Variants in NMT2 observed in about 807,000 individuals in gnomAD.
NMT2 encodes the protein glycylpeptide N-tetradecanoyltransferase 2.
In NMT2, 35 loss-of-function variants were observed where a neutral mutation model predicts 65.4. The ratio of observed to expected loss-of-function variants is 0.54; its 90% CI spans 0.41 to 0.71. NMT2 has a LOEUF of 0.71. NMT2 is among the 30% of genes least tolerant of loss of function. The pLI, the probability that NMT2 is intolerant of heterozygous loss-of-function variation, is 0.00. For synonymous variants in NMT2, 226 were observed against 231.8 expected, an observed-to-expected ratio of 0.98 and a Z score of 0.23; for missense variants, 489 against 611.3, an observed-to-expected ratio of 0.80 and a Z score of 2.11.
intron 10 of NMT2, 120 bp downstream of exon 10, chr10:15,112,676 G>A: frequency 1.0e-6 from 1 of 975,950 alleles, no homozygotes; most frequent in Middle Eastern, 3.5e-4. Flanking sequence ...ATGATCAATA[G>A]TTTTTTTAAA....
chr10:15,137,907 C>A (rs898866181), intron 2 of NMT2, among the ~76,000 whole-genome samples: 3 of 152,074 alleles, frequency 2.0e-5, no homozygotes, highest in African/African-American at 7.2e-5. Flanking sequence ...CTAATTAGCT[C>A]ATGGGTTGAC....
At chr10:15,157,527 G>C (rs926678381) in intron 1 of NMT2, among the ~76,000 whole-genome samples, 2 of 152,136 alleles carry the variant, frequency 1.3e-5, no homozygotes, top group Non-Finnish European at 2.9e-5. Context: ...GGGGGCAGGG[G>C]GCAGAGGCTC....
intron 1 of NMT2, among the ~76,000 whole-genome samples, chr10:15,153,718 C>T (rs937535800): frequency 2.0e-5 from 3 of 151,944 alleles, no homozygotes; most frequent in South Asian, 2.1e-4. Context: ...TGGCCAATCT[C>T]GGCTCACTGC....
intron 1 of NMT2, chr10:15,154,766 C>T (rs1459968867): frequency 1.5e-6 from 1 of 665,540 alleles, no homozygotes. Flanking sequence ...AAGGAATGGT[C>T]TGGTGGTTAA....
intron 1 of NMT2, among the ~76,000 whole-genome samples, chr10:15,165,910 A>G (rs1342730735): frequency 6.6e-6 from 1 of 152,110 alleles, no homozygotes; most frequent in Non-Finnish European, 1.5e-5. Context: ...TTCCATGAAA[A>G]ACAAGATATA....
At chr10:15,135,131 C>A in intron 3 of NMT2, 143 bp downstream of exon 3, 1 of 864,052 alleles carries the variant, frequency 1.2e-6, no homozygotes, top group Admixed American at 2.3e-5. Flanking sequence ...ATTAGTCTTG[C>A]ATAGATTTCC....
intron 1 of NMT2, among the ~76,000 whole-genome samples, chr10:15,158,833 T>C (rs1213893283): frequency 1.3e-5 from 2 of 152,268 alleles, no homozygotes; most frequent in East Asian, 3.9e-4. Flanking sequence ...GCCTTATTCT[T>C]GGCAGAGCAA....
In NMT2 at chr10:15,110,223, A is replaced by G. The variant is rs1212696514; in HGVS notation, c.1339-384T>C. ...GGGAGGTAGAGGTGGCAGTGAGCCG[A>G]GATTGTGCCACGGCACTCCAGCCTG... On this transcript the variant is annotated intron_variant, in intron 10 of 11. Coordinates refer to ENST00000378165, the MANE Select transcript of NMT2 (RefSeq NM_004808.3). Among the ~76,000 whole-genome samples the G allele has an allele frequency of 5.9e-5, 9 of 151,410 alleles. No homozygotes were observed. The South Asian group carries it at 1.3e-3, about 21-fold the overall frequency.
At chr10:15,155,141 C>G (rs748420286) in intron 1 of NMT2, 3 of 1,511,422 alleles carry the variant, frequency 2.0e-6, no homozygotes, top group Non-Finnish European at 2.8e-6. Context: ...CACCCTGACA[C>G]AAAAGCCCTA....
chr10:15,138,756 T>C (rs760221437), intron 2 of NMT2, among the ~76,000 whole-genome samples: 1 of 152,186 alleles, frequency 6.6e-6, no homozygotes, highest in Non-Finnish European at 1.5e-5. Context: ...TATCTAGAGT[T>C]GGCATAAGCT....
rs1201948522 is a variant in NMT2, at chr10:15,108,188, CTTT to C, written c.*1004_*1006del. 8.8e-5 allele frequency: 79 copies of C among 902,688 alleles called. No homozygotes were observed. Among genetic ancestry groups the C allele is most frequent in the Admixed American group, 1.3e-4 (2 of 14,838 alleles). 55.9% of individuals were successfully genotyped at this position (902,688 alleles called of 1,614,324 possible). ...AGTTAGTCGCGGGTACAGGCTCTTT[CTTT>C]TTTTTTTTTTTTGAGACGGAGTCTC... On this transcript the variant is annotated 3_prime_UTR_variant, in exon 12 of 12. Transcript: ENST00000378165.
chr10:15,155,013 C>T, intron 1 of NMT2: 1 of 1,192,042 alleles, frequency 8.4e-7, no homozygotes, highest in Non-Finnish European at 1.2e-6. Flanking sequence ...GATGCCAGGA[C>T]CTGTATGCTT....
In NMT2 at chr10:15,106,649, T is replaced by G. The variant is rs566601574; in HGVS notation, c.*2546A>C. On this transcript the variant is annotated 3_prime_UTR_variant, in exon 12 of 12. Coordinates refer to ENST00000378165, the MANE Select transcript of NMT2 (RefSeq NM_004808.3). ...TGGTCTTTAGAATCACGGCAACCTA[T>G]AGAAAGGAGAGTTCCAACTCCTTCG... 1.0e-6 allele frequency: 1 copy of G among 985,462 alleles called. No homozygotes were observed. The highest frequency in any genetic ancestry group is 6.1e-5 in the Admixed American group (1 of 16,284). 61.0% of individuals were successfully genotyped at this position (985,462 alleles called of 1,614,324 possible).
chr10:15,168,325 G>A (rs1228187286), intron 1 of NMT2, 178 bp downstream of exon 1: 2 of 471,398 alleles, frequency 4.2e-6, no homozygotes, highest in Non-Finnish European at 3.8e-6. Flanking sequence ...CCCGCGCACT[G>A]CACTCTCCCG....
chr10:15,129,474 A>C (rs1404467939), intron 7 of NMT2, among the ~76,000 whole-genome samples: 2 of 152,190 alleles, frequency 1.3e-5, no homozygotes, highest in African/African-American at 2.4e-5. Flanking sequence ...AGGTCTTCCT[A>C]CTCTGAACAA....
intron 1 of NMT2, among the ~76,000 whole-genome samples, chr10:15,166,083 C>T (rs945619084): frequency 6.6e-6 from 1 of 152,144 alleles, no homozygotes; most frequent in African/African-American, 2.4e-5. Context: ...ACAGCATATG[C>T]AGTTTTACAT....
chr10:15,162,890 T>C (rs1025336713), intron 1 of NMT2, among the ~76,000 whole-genome samples: 2 of 148,866 alleles, frequency 1.3e-5, no homozygotes, highest in Non-Finnish European at 3.0e-5. Flanking sequence ...TTGATATTTA[T>C]ATATGTGATA....
At chr10:15,112,386 G>C (rs1845591874) in intron 10 of NMT2, among the ~76,000 whole-genome samples, 1 of 149,812 alleles carries the variant, frequency 6.7e-6, no homozygotes, top group South Asian at 2.1e-4. Flanking sequence ...ACACCACGAA[G>C]CCTGGCTAAC....
At chr10:15,148,808 A>AAC (rs1554825038) in intron 1 of NMT2, among the ~76,000 whole-genome samples, 3 of 152,128 alleles carry the variant, frequency 2.0e-5, no homozygotes, top group African/African-American at 7.2e-5. Flanking sequence ...AATAAAAAAA[A>AAC]ATTAAGAAAA....
Sources: allele counts gnomAD v4.1 joint callset (sites outside exome capture counted in the v4.1 genomes callset), GRCh38; gene constraint gnomAD v4.1.1; transcripts MANE v1.5; gene names NCBI Gene and HGNC (gene_info 2026-07-23, HGNC 2026-07-21).